The following RSRC1 variants were observed in gnomAD, a reference collection of about 807,000 sequenced individuals.
RSRC1 encodes serine/Arginine-related protein 53.
RSRC1 carries 39 observed loss-of-function variants against 49.1 expected under a neutral mutation model. The ratio of observed to expected loss-of-function variants is 0.79; its 90% CI spans 0.61 to 1.04. The LOEUF (loss-of-function observed/expected upper bound fraction) is 1.04, where lower values mean the gene tolerates loss of function less well. Among genes scored for constraint, RSRC1 ranks in the 50% least tolerant of loss-of-function variants. The pLI, the probability that RSRC1 is intolerant of heterozygous loss-of-function variation, is 0.00. For missense variants in RSRC1, 388 were observed against 402.4 expected (o/e 0.96, Z 0.31); for synonymous variants, 143 against 130.8 (o/e 1.09, Z -0.63).
intron 7 of RSRC1, among the ~76,000 whole-genome samples, chr3:158,491,719 A>G (rs963465641): frequency 1.3e-5 from 2 of 152,208 alleles, no homozygotes; most frequent in African/African-American, 4.8e-5. Context: ...AGTAATGAAA[A>G]TAAAGATAAC....
intron 4 of RSRC1, among the ~76,000 whole-genome samples, chr3:158,236,069 T>C (rs183914392): frequency 1.8e-3 from 270 of 152,002 alleles, no homozygotes; most frequent in Non-Finnish European, 2.2e-3. Flanking sequence ...TGAGCTGAGA[T>C]TGTGCCCTTG....
chr3:158,186,138 C>T (rs890655302), intron 3 of RSRC1, among the ~76,000 whole-genome samples: 12 of 151,490 alleles, frequency 7.9e-5, no homozygotes, highest in African/African-American at 1.2e-4. Flanking sequence ...CAATAAACGC[C>T]GTTTTAAAAA....
chr3:158,264,164 G>A (rs928345922), intron 4 of RSRC1, among the ~76,000 whole-genome samples: 2 of 151,964 alleles, frequency 1.3e-5, no homozygotes, highest in Non-Finnish European at 2.9e-5. Context: ...TCTCATGTAG[G>A]CGTTTAGTAT....
intron 4 of RSRC1, among the ~76,000 whole-genome samples, chr3:158,249,236 G>C (rs1239463323): frequency 6.6e-6 from 1 of 152,114 alleles, no homozygotes; most frequent in Non-Finnish European, 1.5e-5. Context: ...AATTAAGATA[G>C]TGAACTTATC....
intron 6 of RSRC1, among the ~76,000 whole-genome samples, chr3:158,411,773 C>A (rs1426954983): frequency 6.6e-6 from 1 of 152,066 alleles, no homozygotes; most frequent in African/African-American, 2.4e-5. Flanking sequence ...TATGAAGTAT[C>A]TACTTGAGTG....
intron 3 of RSRC1, among the ~76,000 whole-genome samples, chr3:158,185,813 G>A (rs923029954): frequency 6.6e-6 from 1 of 151,834 alleles, no homozygotes; most frequent in Non-Finnish European, 1.5e-5. Context: ...AAGATTAGAT[G>A]GTGTCCAGAA....
chr3:158,294,683 C>T (rs1468783427), intron 4 of RSRC1, among the ~76,000 whole-genome samples: 18 of 152,182 alleles, frequency 1.2e-4, no homozygotes, highest in Admixed American at 2.0e-4. Context: ...CTACTTTCCC[C>T]GTGGCTCCCA....
intron 4 of RSRC1, among the ~76,000 whole-genome samples, chr3:158,222,844 C>A (rs751910911): frequency 2.0e-5 from 3 of 151,532 alleles, no homozygotes; most frequent in African/African-American, 7.3e-5. Flanking sequence ...CAGTTCCTTC[C>A]TCTCCTGGAT....
intron 7 of RSRC1, among the ~76,000 whole-genome samples, chr3:158,527,077 CTTTTT>C (rs543523088): frequency 3.6e-5 from 4 of 110,172 alleles, no homozygotes; most frequent in African/African-American, 6.8e-5. Context: ...AGTTCAAAAT[CTTTTT>C]TTTTTTTTTT....
chr3:158,434,540 C>CT (rs1735942306), intron 6 of RSRC1, among the ~76,000 whole-genome samples: 1 of 152,038 alleles, frequency 6.6e-6, no homozygotes, highest in South Asian at 2.1e-4. Context: ...ACTTTGTCCT[C>CT]TGTCATTCCA....
intron 6 of RSRC1, among the ~76,000 whole-genome samples, chr3:158,445,213 A>G (rs1736632088): frequency 6.6e-6 from 1 of 152,210 alleles, no homozygotes; most frequent in Non-Finnish European, 1.5e-5. Context: ...GGGTATGTTT[A>G]TTGCGGCACT....
intron 6 of RSRC1, among the ~76,000 whole-genome samples, chr3:158,446,853 G>A (rs940986919): frequency 6.6e-6 from 1 of 151,958 alleles, no homozygotes; most frequent in Non-Finnish European, 1.5e-5. Flanking sequence ...ACCCTGGAGA[G>A]TAAATGCAAC....
At chr3:158,244,840 T>C (rs1723794681) in intron 4 of RSRC1, among the ~76,000 whole-genome samples, 1 of 152,114 alleles carries the variant, frequency 6.6e-6, no homozygotes, top group African/African-American at 2.4e-5. Flanking sequence ...AAACTCTTAC[T>C]GGTTCCATCT....
chr3:158,431,099 C>T (rs968244683), intron 6 of RSRC1, among the ~76,000 whole-genome samples: 10 of 151,884 alleles, frequency 6.6e-5, no homozygotes, highest in African/African-American at 2.2e-4. Context: ...TTTAGCACCT[C>T]ATTGTGTGGA....
chr3:158,391,179 G>T (rs1190555357), intron 6 of RSRC1, among the ~76,000 whole-genome samples: 4 of 152,034 alleles, frequency 2.6e-5, no homozygotes, highest in African/African-American at 9.7e-5. Flanking sequence ...CCACCCTGGG[G>T]TTCTATCTTC....
In RSRC1 at chr3:158,126,785, T is replaced by TA. The variant is rs1351595617; in HGVS notation, c.320+2795dup. Among the ~76,000 whole-genome samples, 3 of 152,314 alleles carry TA rather than the reference T, an allele frequency of 2.0e-5. No individual in the cohort carries two copies. The East Asian group carries it at 5.8e-4, about 29-fold the overall frequency. The stretch of plus-strand genomic sequence containing the variant: ...CAGGTCTGGTAGTGAAGAACTCCCT[T>TA]AGCTTTTGTTTATCTGGGAAAGATT... On this transcript the variant is annotated intron_variant, in intron 3 of 9. Coordinates refer to ENST00000611884, the MANE Select transcript of RSRC1 (RefSeq NM_001271838.2).
At chr3:158,204,998 G>A (rs1180334358) in intron 4 of RSRC1, among the ~76,000 whole-genome samples, 2 of 152,140 alleles carry the variant, frequency 1.3e-5, no homozygotes, top group African/African-American at 4.8e-5. Context: ...AGCTTTACAG[G>A]TTAGACTCAT....
intron 3 of RSRC1, among the ~76,000 whole-genome samples, chr3:158,138,221 G>GTCATGTTGT (rs1168048931): frequency 1.3e-5 from 2 of 152,154 alleles, no homozygotes; most frequent in Non-Finnish European, 2.9e-5. Context: ...GCAGAGAGGG[G>GTCATGTTGT]CTATGACCTC....
chr3:158,521,167 A>G (rs1477034905), intron 7 of RSRC1, among the ~76,000 whole-genome samples: 1 of 152,186 alleles, frequency 6.6e-6, no homozygotes, highest in African/African-American at 2.4e-5. Flanking sequence ...TGACTCCATA[A>G]GAATTAAAAT....
Sources: allele counts gnomAD v4.1 joint callset (sites outside exome capture counted in the v4.1 genomes callset), GRCh38; gene constraint gnomAD v4.1.1; transcripts MANE v1.5; gene names NCBI Gene and HGNC (gene_info 2026-07-23, HGNC 2026-07-21).